Variants in FRMPD4 observed in about 807,000 individuals in gnomAD.
FRMPD4 encodes the protein FERM and PDZ domain-containing protein 4.
FRMPD4 carries 22 observed loss-of-function variants against 94.1 expected under a neutral mutation model. That is an observed-to-expected ratio of 0.23 (90% confidence interval 0.17 to 0.33). The LOEUF is 0.33. Among genes scored for constraint, FRMPD4 ranks in the 10% least tolerant of loss-of-function variants. The pLI, the probability that FRMPD4 is intolerant of heterozygous loss-of-function variation, is 1.00. For missense variants in FRMPD4, 1,111 were observed against 1,339.9 expected (o/e 0.83, Z 2.67); for synonymous variants, 631 against 548.6 (o/e 1.15, Z -2.10).
chrX:12,277,908 A>C (rs1232060437), intron 1 of FRMPD4, among the ~76,000 whole-genome samples: 1 of 112,066 alleles, frequency 8.9e-6, no homozygotes, highest in Non-Finnish European at 1.9e-5. Flanking sequence ...ACTTTTGACT[A>C]AGGTTTAAAA....
chrX:12,612,031 A>G (rs1488459046), intron 3 of FRMPD4, among the ~76,000 whole-genome samples: 1 of 111,832 alleles, frequency 8.9e-6, no homozygotes, highest in Non-Finnish European at 1.9e-5. Context: ...AAACACACAT[A>G]TGTAATACAT....
intron 2 of FRMPD4, among the ~76,000 whole-genome samples, chrX:12,568,768 A>C (rs759806969): frequency 1.6e-4 from 18 of 112,249 alleles, no homozygotes; most frequent in African/African-American, 5.2e-4. Context: ...ATTAGCAGTG[A>C]AAAGTATGGA....
At chrX:12,339,707 C>G (rs1263934871) in intron 1 of FRMPD4, among the ~76,000 whole-genome samples, 1 of 110,169 alleles carries the variant, frequency 9.1e-6, no homozygotes, top group African/African-American at 3.3e-5. Flanking sequence ...ACCTCCGCCT[C>G]CTGAGTTCAA....
At chrX:11,915,828 C>T (rs2054021916) in intron 3 of FRMPD4, among the ~76,000 whole-genome samples, 1 of 111,817 alleles carries the variant, frequency 8.9e-6, no homozygotes, top group Non-Finnish European at 1.9e-5. Context: ...TCTTGGGAGC[C>T]CCATGCCTCA....
At position 11,945,995 on chromosome X, in the gene FRMPD4, C is replaced by A. The variant is rs190585855; in HGVS notation, c.95+67977C>A. 4.2e-3 allele frequency among the ~76,000 whole-genome samples: 466 copies of A among 111,791 alleles called. 4 individuals are homozygous for A. The highest frequency in any genetic ancestry group is 0.014 in the African/African-American group (432 of 30,764). On this transcript the variant is annotated intron_variant, in intron 3 of 18. Transcript: ENST00000640291. ...CATCTAATTTTGCAAATAGATGATT[C>A]CTTCATAGAAAAGAATCAAATTATA...
chrX:12,205,192 G>A lies in FRMPD4; in HGVS notation c.41+66180G>A, dbSNP rs1156620561. Among the ~76,000 whole-genome samples the A allele has an allele frequency of 3.6e-5, 4 of 110,049 alleles. No individual in the cohort carries two copies. The East Asian group carries it at 1.1e-3, about 31-fold the overall frequency. ...TGAAGCCTGTTCCCAGTGCACCTAG[G>A]CAGACTAAATCATCCAAGATAGATG... On this transcript the variant is annotated intron_variant, in intron 1 of 16. Transcript: ENST00000675598.
chrX:11,875,944 C>T (rs1374004852), intron 2 of FRMPD4, among the ~76,000 whole-genome samples: 2 of 94,709 alleles, frequency 2.1e-5, no homozygotes, highest in Non-Finnish European at 4.1e-5. Context: ...GGCGCGATCT[C>T]GGCTCACTGC....
At position 11,825,771 on chromosome X, in the gene FRMPD4, T is replaced by C. The variant is rs1030503456; in HGVS notation, c.-161+3056T>C. Among the ~76,000 whole-genome samples, 5 of 112,243 alleles carry C rather than the reference T, an allele frequency of 4.5e-5. 1 individual carries two copies. Among genetic ancestry groups the C allele is most frequent in the Non-Finnish European group, 7.5e-5 (4 of 53,221 alleles). On this transcript the variant is annotated intron_variant, in intron 1 of 18. Transcript: ENST00000640291. ...TCATTTTGACAATGTGCTACAGTTA[T>C]GTAAGATGTTCTCATTTAGGAAAGC...
intron 1 of FRMPD4, among the ~76,000 whole-genome samples, chrX:12,337,148 A>G (rs951317237): frequency 8.9e-6 from 1 of 112,059 alleles, no homozygotes; most frequent in Non-Finnish European, 1.9e-5. Context: ...ACAACCCCAA[A>G]TTATCATTAA....
chrX:12,530,993 G>C (rs1358609427), intron 2 of FRMPD4, among the ~76,000 whole-genome samples: 1 of 111,229 alleles, frequency 9.0e-6, no homozygotes, highest in Admixed American at 9.6e-5. Context: ...TAGGGATAGA[G>C]GACAGAACGG....
intron 3 of FRMPD4, among the ~76,000 whole-genome samples, chrX:12,010,336 G>A (rs755893645): frequency 1.8e-5 from 2 of 112,143 alleles, no homozygotes; most frequent in Non-Finnish European, 3.8e-5. Context: ...TTAAATTCTT[G>A]TAAACGAAAA....
chrX:11,862,154 G>T (rs960840306), intron 1 of FRMPD4, among the ~76,000 whole-genome samples: 1 of 111,195 alleles, frequency 9.0e-6, no homozygotes, highest in African/African-American at 3.3e-5. Context: ...TCCAACATTG[G>T]GGGTTATAAT....
chrX:12,403,560 C>T (rs1195444736), intron 1 of FRMPD4, among the ~76,000 whole-genome samples: 4 of 110,896 alleles, frequency 3.6e-5, no homozygotes, highest in Admixed American at 9.6e-5. Context: ...CCCTGCCCGC[C>T]GCCCACCACA....
chrX:12,227,992 T>G (rs746676452), intron 1 of FRMPD4, among the ~76,000 whole-genome samples: 1 of 111,835 alleles, frequency 8.9e-6, no homozygotes, highest in Non-Finnish European at 1.9e-5. Context: ...ACAAAATTGA[T>G]TCATCTATGT....
Position 12,328,244 on chromosome X carries a change from T to A in FRMPD4, c.42-170436T>A, listed in dbSNP as rs990197389. The stretch of plus-strand genomic sequence containing the variant: ...GTTACATGTACCAAACAATTAAAAC[T>A]AGGCAATAACAAAATTCTAATGTGA... On this transcript the variant is annotated intron_variant, in intron 1 of 16. Transcript: ENST00000675598. Among the ~76,000 whole-genome samples, 6 of 112,245 alleles carry A rather than the reference T, an allele frequency of 5.3e-5. No homozygotes were observed. The East Asian group carries it at 8.4e-4, about 16-fold the overall frequency.
At chrX:11,942,228 CTTTTTTT>C (rs560019319) in intron 3 of FRMPD4, among the ~76,000 whole-genome samples, 4 of 79,161 alleles carry the variant, frequency 5.1e-5, no homozygotes, top group Non-Finnish European at 9.9e-5. Context: ...TTTTTCTTTC[CTTTTTTT>C]TTTTTTTTTT....
intron 1 of FRMPD4, among the ~76,000 whole-genome samples, chrX:12,424,512 A>G (rs747602947): frequency 1.8e-5 from 2 of 112,770 alleles, no homozygotes; most frequent in South Asian, 7.3e-4. Flanking sequence ...AGCAGTGCTT[A>G]TCAAACTTTA....
At position 12,718,330 on chromosome X, in the gene FRMPD4, C is replaced by T. The variant is rs144124563; in HGVS notation, c.3504C>T (p.Asp1168=). 170 of 1,209,786 alleles carry T rather than the reference C, an allele frequency of 1.4e-4. No homozygotes were observed. Among genetic ancestry groups the T allele is most frequent in the East Asian group, 7.7e-4 (26 of 33,757 alleles). Residue 1168 remains aspartate (D), a synonymous_variant, in exon 16 of 17, where the codon GAC becomes GAT. Transcript: ENST00000675598. ...CCAAAGACTTAGATAACCCAGAGGA[C>T]GCTGACTCGTCCACCTGCGACCATC... ...SSAKDLDNPE[D]ADSSTCDHPS... is the part of the protein sequence containing the mutation.
intron 3 of FRMPD4, among the ~76,000 whole-genome samples, chrX:12,059,263 C>G (rs930260702): frequency 9.0e-6 from 1 of 111,626 alleles, no homozygotes; most frequent in Non-Finnish European, 1.9e-5. Context: ...TGAAATCTCT[C>G]ACTTTTATTG....
Sources: allele counts gnomAD v4.1 joint callset (sites outside exome capture counted in the v4.1 genomes callset), GRCh38; gene constraint gnomAD v4.1.1; transcripts MANE v1.5; gene names NCBI Gene and HGNC (gene_info 2026-07-23, HGNC 2026-07-21).